NIPAL2: variants seen among roughly 807,000 people sequenced by gnomAD.
NIPAL2 encodes the protein NIPA like domain containing 2.
A neutral mutation model predicts 48.9 loss-of-function variants in NIPAL2; 43 were observed. That is an observed-to-expected ratio of 0.88 (90% CI 0.69 to 1.13). The LOEUF (loss-of-function observed/expected upper bound fraction) is 1.13, where lower values mean the gene tolerates loss of function less well. Among genes scored for constraint, NIPAL2 ranks in the 50% most tolerant of loss-of-function variants. The pLI, the probability that NIPAL2 is intolerant of heterozygous loss-of-function variation, is 0.00. For missense variants in NIPAL2, 446 were observed against 461.4 expected (o/e 0.97, Z 0.31); for synonymous variants, 167 against 174.6 (o/e 0.96, Z 0.34).
chr8:98,256,778 C>T (rs1813920247), intron 1 of NIPAL2, among the ~76,000 whole-genome samples: 1 of 152,152 alleles, frequency 6.6e-6, no homozygotes, highest in Non-Finnish European at 1.5e-5. Context: ...ACCATATGGT[C>T]TAGCAATTCC....
chr8:98,266,578 A>C (rs1814764598), intron 1 of NIPAL2, among the ~76,000 whole-genome samples: 1 of 151,532 alleles, frequency 6.6e-6, no homozygotes. Flanking sequence ...AAAGCCATTC[A>C]AAGATTGTGA....
At chr8:98,220,383 A>G (rs1811794726) in intron 5 of NIPAL2, among the ~76,000 whole-genome samples, 1 of 152,014 alleles carries the variant, frequency 6.6e-6, no homozygotes, top group Non-Finnish European at 1.5e-5. Flanking sequence ...TCTAATTCTA[A>G]AAATGTATAA....
intron 1 of NIPAL2, among the ~76,000 whole-genome samples, chr8:98,289,989 G>C (rs560087636): frequency 2.0e-5 from 3 of 152,082 alleles, no homozygotes; most frequent in Non-Finnish European, 4.4e-5. Context: ...TTTTCCCCTC[G>C]CATGGACTCT....
chr8:98,220,768 C>T (rs771103613), intron 5 of NIPAL2, among the ~76,000 whole-genome samples: 5 of 152,038 alleles, frequency 3.3e-5, no homozygotes, highest in Non-Finnish European at 7.4e-5. Flanking sequence ...AAATACTCAG[C>T]TAGACTATCC....
intron 3 of NIPAL2, among the ~76,000 whole-genome samples, chr8:98,238,371 A>T (rs1812822243): frequency 6.6e-6 from 1 of 152,180 alleles, no homozygotes; most frequent in Non-Finnish European, 1.5e-5. Context: ...TTCAGTTGAG[A>T]TCAAACTTTA....
intron 1 of NIPAL2, among the ~76,000 whole-genome samples, chr8:98,271,819 T>C (rs1450844039): frequency 2.0e-5 from 3 of 152,110 alleles, no homozygotes; most frequent in Non-Finnish European, 2.9e-5. Context: ...ATATTGGCTG[T>C]GGATTTGTCA....
Position 98,222,485 on chromosome 8 carries a change from G to T in NIPAL2, c.552C>A (p.Ile184=). The T allele has an allele frequency of 6.2e-7, 1 of 1,613,464 alleles. No individual in the cohort carries two copies. The highest frequency in any genetic ancestry group is 8.5e-7 in the Non-Finnish European group (1 of 1,179,846). Residue 184 remains isoleucine, a synonymous_variant, in exon 5 of 11, where the codon ATC becomes ATA. Transcript: ENST00000430223. ...QYYLVGWQFL[I]YVILEILIFC... ...AAATATTTAGAATTCTTACCACATA[G>T]ATCAGGAACTGCCATCCGACAAGGT...
intron 1 of NIPAL2, among the ~76,000 whole-genome samples, chr8:98,290,676 T>C (rs1816442734): frequency 6.6e-6 from 1 of 152,374 alleles, no homozygotes; most frequent in South Asian, 2.1e-4. Flanking sequence ...ATTAAATGCC[T>C]ATGTTTTGAA....
chr8:98,261,449 G>A (rs1424995867), intron 1 of NIPAL2, among the ~76,000 whole-genome samples: 4 of 147,006 alleles, frequency 2.7e-5, no homozygotes, highest in Non-Finnish European at 6.0e-5. Context: ...TGATGGAGCT[G>A]AAAAACAAGG....
At chr8:98,251,541 T>A (rs1813588898) in intron 3 of NIPAL2, 1 of 152,220 alleles carries the variant, frequency 6.6e-6, no homozygotes, top group Non-Finnish European at 1.5e-5. Context: ...TTTTGCTAAA[T>A]ATTCTATTAG....
rs774556900 is a variant in NIPAL2, at chr8:98,242,488, A to ATTTTTTGTTTTTTTTTTTTTTT, written c.377-6275_377-6274insAAAAAAAAAAAAAAACAAAAAA. ...AGGCAAAAGCCACTGCACCTGACAG[A>ATTTTTTGTTTTTTTTTTTTTTT]TTTTTTTTTTTTTTTTTTTAACTGA... On this transcript the variant is annotated intron_variant, in intron 3 of 10. Transcript: ENST00000430223. 4.2e-5 allele frequency among the ~76,000 whole-genome samples: 5 copies of ATTTTTTGTTTTTTTTTTTTTTT among 117,768 alleles called. 1 individual carries two copies. Among genetic ancestry groups the ATTTTTTGTTTTTTTTTTTTTTT allele is most frequent in the Non-Finnish European group, 3.4e-5 (2 of 59,288 alleles). 77.3% of individuals were successfully genotyped at this position (117,768 alleles called of 152,430 possible). A position where few individuals can be genotyped will look rare whatever the true frequency, so the allele number is the denominator to read the frequency against.
At position 98,194,719 on chromosome 8, in the gene NIPAL2, T is replaced by C. The variant is rs750912413; in HGVS notation, c.1039+9A>G. 6.7e-7 allele frequency: 1 copy of C among 1,499,124 alleles called. No homozygotes were observed. The highest frequency in any genetic ancestry group is 2.3e-5 in the East Asian group (1 of 42,816). 92.9% of individuals were successfully genotyped at this position (1,499,124 alleles called of 1,614,324 possible). On this transcript the variant is annotated intron_variant, in intron 10 of 10. Transcript: ENST00000430223. ...CAAATTTTCCACTATAAAGAATATATGATTTTACCAGGAATATTTCCAAAA... is the reference window on the plus strand; with the variant it reads ...CAAATTTTCCACTATAAAGAATATACGATTTTACCAGGAATATTTCCAAAA...
intron 1 of NIPAL2, among the ~76,000 whole-genome samples, chr8:98,255,243 G>A (rs1232951133): frequency 2.0e-5 from 3 of 152,268 alleles, no homozygotes; most frequent in Admixed American, 1.3e-4. Flanking sequence ...ATTATTTAAC[G>A]ATTTCAAAAG....
chr8:98,212,306 C>T lies in NIPAL2; in HGVS notation c.655+99G>A. 5 of 601,984 alleles carry T rather than the reference C, an allele frequency of 8.3e-6. No homozygotes were observed. In the South Asian group the frequency reaches 1.3e-4, roughly 16 times the overall value. 37.3% of individuals were successfully genotyped at this position (601,984 alleles called of 1,614,324 possible). On this transcript the variant is annotated intron_variant, in intron 6 of 10. Coordinates refer to ENST00000430223, the MANE Select transcript of NIPAL2 (RefSeq NM_001321635.2). ...TAGATCAGAGCTGAAAAATATAAAC[C>T]ATGAGAAAGGAGTAGAATGCTTAAG...
chr8:98,228,021 T>C (rs1812264182), intron 4 of NIPAL2, among the ~76,000 whole-genome samples: 2 of 152,208 alleles, frequency 1.3e-5, no homozygotes, highest in South Asian at 2.1e-4. Flanking sequence ...GTTGGCAGCA[T>C]TGAGTTCCAG....
intron 6 of NIPAL2, 33 bp from the exon 7 acceptor site, chr8:98,205,279 A>G: frequency 6.4e-7 from 1 of 1,573,908 alleles, no homozygotes; most frequent in Non-Finnish European, 8.6e-7. Flanking sequence ...CAAATAAAGA[A>G]CATATTTCAG....
chr8:98,247,028 G>T (rs1424850541), intron 3 of NIPAL2, among the ~76,000 whole-genome samples: 2 of 152,084 alleles, frequency 1.3e-5, no homozygotes, highest in East Asian at 3.9e-4. Flanking sequence ...AACAGAAAAA[G>T]GAAAACATTA....
intron 4 of NIPAL2, among the ~76,000 whole-genome samples, chr8:98,234,770 T>G (rs1408932706): frequency 6.6e-6 from 1 of 151,424 alleles, no homozygotes; most frequent in Non-Finnish European, 1.5e-5. Flanking sequence ...CAAGCTGATC[T>G]CGAACTCCTG....
Position 98,192,921 on chromosome 8 carries a change from G to C in NIPAL2, c.*57C>G, listed in dbSNP as rs138418912. On this transcript the variant is annotated 3_prime_UTR_variant, in exon 11 of 11. Coordinates refer to ENST00000430223, the MANE Select transcript of NIPAL2 (RefSeq NM_001321635.2). ...AGCTGCTGACACAAATTGAACATGT[G>C]CAATTTTTTAAAAAGGTGGTATCGA... 1.9e-4 allele frequency: 200 copies of C among 1,054,662 alleles called. 2 individuals are homozygous for C. In the East Asian group the frequency reaches 4.7e-3, roughly 25 times the overall value. The allele number at this position is 1,054,662 out of a possible 1,614,324, so 65.3% of individuals were successfully genotyped here.
Sources: gnomAD v4.1 joint callset for allele counts (sites outside exome capture counted in the v4.1 genomes callset) on GRCh38, gnomAD v4.1.1 for gene constraint, MANE v1.5 for transcripts, NCBI Gene and HGNC (gene_info 2026-07-23, HGNC 2026-07-21) for gene names.